Variants in LRRC4C observed in about 807,000 individuals in gnomAD.
LRRC4C encodes leucine-rich repeat-containing protein 4C.
A neutral mutation model predicts 33.6 loss-of-function variants in LRRC4C; 5 were observed. That is an observed-to-expected ratio of 0.15 (90% CI 0.08 to 0.31). LRRC4C has a LOEUF of 0.31. Among genes scored for constraint, LRRC4C ranks in the 10% least tolerant of loss-of-function variants. LRRC4C has a pLI of 1.00. For synonymous variants in LRRC4C, 329 were observed against 302.0 expected (o/e 1.09, Z -0.93); for missense variants, 560 against 796.7 (o/e 0.70, Z 3.58).
chr11:40,720,713 G>A (rs996594549), intron 2 of LRRC4C, among the ~76,000 whole-genome samples: 4 of 152,090 alleles, frequency 2.6e-5, no homozygotes, highest in Non-Finnish European at 4.4e-5. Context: ...AACAATATAC[G>A]ATTAGACTCT....
At chr11:40,917,241 G>T (rs1359359556) in intron 2 of LRRC4C, among the ~76,000 whole-genome samples, 1 of 152,088 alleles carries the variant, frequency 6.6e-6, no homozygotes, top group Non-Finnish European at 1.5e-5. Context: ...CCATAATGTG[G>T]CTAGGAAAAG....
At chr11:40,544,667 A>G (rs1956848264) in intron 3 of LRRC4C, among the ~76,000 whole-genome samples, 1 of 152,054 alleles carries the variant, frequency 6.6e-6, no homozygotes, top group Non-Finnish European at 1.5e-5. Context: ...AAATAACACC[A>G]CCAGAAGAAA....
chr11:40,524,200 A>G (rs1955943303), intron 3 of LRRC4C, among the ~76,000 whole-genome samples: 1 of 152,082 alleles, frequency 6.6e-6, no homozygotes, highest in South Asian at 2.1e-4. Context: ...GTAAATCTTT[A>G]TTAATTCAGT....
At chr11:41,089,337 G>A (rs1406278744) in intron 1 of LRRC4C, among the ~76,000 whole-genome samples, 1 of 151,924 alleles carries the variant, frequency 6.6e-6, no homozygotes, top group Non-Finnish European at 1.5e-5. Flanking sequence ...AATAAAGCAA[G>A]CAGAATAGCT....
At chr11:41,233,180 G>A (rs558522815) in intron 1 of LRRC4C, among the ~76,000 whole-genome samples, 4 of 151,952 alleles carry the variant, frequency 2.6e-5, no homozygotes, top group African/African-American at 7.2e-5. Context: ...CCACTACTAG[G>A]AAAGATAATT....
chr11:40,333,632 G>A (rs535457995), intron 3 of LRRC4C, among the ~76,000 whole-genome samples: 2 of 148,246 alleles, frequency 1.3e-5, no homozygotes, highest in African/African-American at 2.5e-5. Context: ...CAGAAGAATC[G>A]CTTGAACCCG....
chr11:41,403,361 AACCAGCTGTGAAATTC>A (rs1358659363), intron 1 of LRRC4C, among the ~76,000 whole-genome samples: 1 of 152,078 alleles, frequency 6.6e-6, no homozygotes, highest in Non-Finnish European at 1.5e-5. Context: ...GAAACAGAAA[AACCAGCTGTGAAATTC>A]AGATACCTAC....
At chr11:40,555,108 T>A (rs560535051) in intron 3 of LRRC4C, among the ~76,000 whole-genome samples, 1 of 152,240 alleles carries the variant, frequency 6.6e-6, no homozygotes, top group Non-Finnish European at 1.5e-5. Context: ...TTTTGTATCC[T>A]GAAACTACTG....
intron 2 of LRRC4C, among the ~76,000 whole-genome samples, chr11:40,793,994 T>G (rs1280745248): frequency 6.6e-6 from 1 of 152,152 alleles, no homozygotes; most frequent in Non-Finnish European, 1.5e-5. Flanking sequence ...CTAGACTTCA[T>G]ATAAGCTGAC....
intron 1 of LRRC4C, among the ~76,000 whole-genome samples, chr11:41,392,248 G>T (rs573738195): frequency 7.4e-4 from 112 of 151,970 alleles, no homozygotes; most frequent in African/African-American, 2.6e-3. Flanking sequence ...CACGTATGAT[G>T]TAAGCCACGT....
chr11:40,525,653 T>A (rs12276789), intron 3 of LRRC4C, among the ~76,000 whole-genome samples: 13,343 of 151,446 alleles, frequency 0.088, 1,656 homozygotes, highest in African/African-American at 0.28. Flanking sequence ...GAGAATTCAG[T>A]ATGCTAGGAA....
chr11:40,227,102 AAG>A (rs1864854846), intron 5 of LRRC4C, among the ~76,000 whole-genome samples: 1 of 152,188 alleles, frequency 6.6e-6, no homozygotes. Context: ...CACTCACACA[AAG>A]AGTGTTCTCC....
chr11:41,127,486 CT>C (rs1440705969), intron 1 of LRRC4C, among the ~76,000 whole-genome samples: 1 of 151,722 alleles, frequency 6.6e-6, no homozygotes, highest in Non-Finnish European at 1.5e-5. Flanking sequence ...TTTGTTTTTG[CT>C]TTTGGTACTC....
At chr11:40,456,976 C>A (rs1263395341) in intron 3 of LRRC4C, among the ~76,000 whole-genome samples, 1 of 151,610 alleles carries the variant, frequency 6.6e-6, no homozygotes, top group South Asian at 2.1e-4. Context: ...GTGTGCTATA[C>A]AGTAGTTCAC....
At chr11:40,374,989 T>C (rs1400293183) in intron 3 of LRRC4C, among the ~76,000 whole-genome samples, 1 of 152,222 alleles carries the variant, frequency 6.6e-6, no homozygotes, top group African/African-American at 2.4e-5. Context: ...ATTTATTTTA[T>C]GTTAATTTTT....
chr11:40,388,657 T>C (rs542595534), intron 3 of LRRC4C, among the ~76,000 whole-genome samples: 1 of 152,290 alleles, frequency 6.6e-6, no homozygotes, highest in South Asian at 2.1e-4. Flanking sequence ...TTCCAATGCC[T>C]GCATTTTATT....
chr11:41,050,126 AG>A (rs1325571947), intron 1 of LRRC4C, among the ~76,000 whole-genome samples: 1 of 152,170 alleles, frequency 6.6e-6, no homozygotes. Context: ...CATAGTGAGA[AG>A]GGGAGAATAC....
chr11:40,483,176 T>C (rs1042736761), intron 3 of LRRC4C, among the ~76,000 whole-genome samples: 1 of 152,136 alleles, frequency 6.6e-6, no homozygotes, highest in African/African-American at 2.4e-5. Flanking sequence ...GCATGAAAGC[T>C]GAGAGAAAAT....
intron 4 of LRRC4C, among the ~76,000 whole-genome samples, chr11:40,243,581 C>G (rs191560630): frequency 4.4e-4 from 67 of 151,866 alleles, no homozygotes; most frequent in African/African-American, 1.5e-3. Context: ...TCATTTTGTG[C>G]TAGGTTTCCT....
Sources: gnomAD v4.1 joint callset for allele counts (sites outside exome capture counted in the v4.1 genomes callset) on GRCh38, gnomAD v4.1.1 for gene constraint, MANE v1.5 for transcripts, NCBI Gene and HGNC (gene_info 2026-07-23, HGNC 2026-07-21) for gene names.